Variants in SHANK2 observed in about 807,000 individuals in gnomAD.
SHANK2 encodes the protein SH3 and multiple ankyrin repeat domains protein 2.
In SHANK2, 43 loss-of-function variants were observed where a neutral mutation model predicts 133.7. The observed-to-expected ratio is 0.32, with a 90% confidence interval of 0.25 to 0.41. The LOEUF is 0.41. Among genes scored for constraint, SHANK2 ranks in the 10% least tolerant of loss-of-function variants. The pLI is 1.00. For missense variants in SHANK2, 1,994 were observed against 2,235.8 expected (o/e 0.89, Z 2.18); for synonymous variants, 1,017 against 952.8 (o/e 1.07, Z -1.24).
At chr11:71,155,515 C>A (rs1555108963) in intron 2 of SHANK2, among the ~76,000 whole-genome samples, 4 of 152,108 alleles carry the variant, frequency 2.6e-5, no homozygotes, top group Non-Finnish European at 5.9e-5. Flanking sequence ...ATGCCCCCAG[C>A]CACACCCTCA....
At chr11:71,176,705 A>G (rs1430912783) in intron 2 of SHANK2, among the ~76,000 whole-genome samples, 1 of 152,202 alleles carries the variant, frequency 6.6e-6, no homozygotes, top group Non-Finnish European at 1.5e-5. Context: ...TAATAAAAGA[A>G]GAGAGTATCA....
intron 21 of SHANK2, among the ~76,000 whole-genome samples, chr11:70,497,394 G>C (rs1591504606): frequency 6.6e-6 from 1 of 152,314 alleles, no homozygotes; most frequent in East Asian, 1.9e-4. Flanking sequence ...AGTGAATCTG[G>C]CCCCTGGCAG....
chr11:70,714,576 G>A (rs1555026848), intron 14 of SHANK2, among the ~76,000 whole-genome samples: 1 of 152,132 alleles, frequency 6.6e-6, no homozygotes, highest in African/African-American at 2.4e-5. Context: ...TAACATTTCT[G>A]CAGTATTGCA....
intron 14 of SHANK2, among the ~76,000 whole-genome samples, chr11:70,782,453 C>T (rs1264933188): frequency 6.6e-6 from 1 of 152,232 alleles, no homozygotes; most frequent in African/African-American, 2.4e-5. Flanking sequence ...GGAAAGCAGG[C>T]TATGGGGTCC....
rs148601424 is a variant in SHANK2, at chr11:70,832,846, C to T, written c.1175-12164G>A. ...GCCTGTACTGCCCCGCCTTGCCCCA[C>T]GAGCAGGTGCAGCCAGGACAGCATC... is the stretch of plus-strand genomic sequence containing the variant. On this transcript the variant is annotated intron_variant, in intron 11 of 25. Transcript: ENST00000601538. Among the ~76,000 whole-genome samples the T allele has an allele frequency of 5.8e-3, 885 of 152,334 alleles. 8 individuals carry two copies. The highest frequency in any genetic ancestry group is 0.019 in the African/African-American group (781 of 41,568).
At chr11:70,542,205 C>T (rs575923802) in intron 17 of SHANK2, among the ~76,000 whole-genome samples, 7 of 152,338 alleles carry the variant, frequency 4.6e-5, no homozygotes, top group African/African-American at 1.4e-4. Flanking sequence ...TATTTGGAAA[C>T]AGCCTCTTTG....
At chr11:70,853,736 A>T (rs553042162) in intron 11 of SHANK2, among the ~76,000 whole-genome samples, 2 of 152,278 alleles carry the variant, frequency 1.3e-5, no homozygotes, top group South Asian at 2.1e-4. Flanking sequence ...TCATTCTCTC[A>T]CAATCTTAGA....
At chr11:70,904,196 G>C (rs782290236) in intron 10 of SHANK2, among the ~76,000 whole-genome samples, 5 of 152,172 alleles carry the variant, frequency 3.3e-5, no homozygotes, top group Admixed American at 1.3e-4. Context: ...ACTGCCACAA[G>C]GTGGGTGCCT....
At chr11:70,925,087 C>T (rs1555081332) in intron 10 of SHANK2, among the ~76,000 whole-genome samples, 1 of 152,068 alleles carries the variant, frequency 6.6e-6, no homozygotes, top group East Asian at 1.9e-4. Flanking sequence ...CCATGGCGGT[C>T]GACACTGCAG....
intron 17 of SHANK2, among the ~76,000 whole-genome samples, chr11:70,612,871 C>T (rs2060680056): frequency 6.6e-6 from 1 of 152,228 alleles, no homozygotes; most frequent in Non-Finnish European, 1.5e-5. Context: ...TTCCCCTCCA[C>T]AGCATGTCTG....
At chr11:70,522,451 C>G (rs905261619) in intron 17 of SHANK2, among the ~76,000 whole-genome samples, 5 of 152,250 alleles carry the variant, frequency 3.3e-5, no homozygotes, top group Non-Finnish European at 5.9e-5. Context: ...CCAGGGCAGC[C>G]ACACTTCTGC....
chr11:71,172,863 C>G (rs916117767), intron 2 of SHANK2, among the ~76,000 whole-genome samples: 2 of 152,254 alleles, frequency 1.3e-5, no homozygotes, highest in African/African-American at 4.8e-5. Context: ...GGCAGGTACA[C>G]ACACAGTGAC....
chr11:70,789,630 G>T (rs60029605), intron 14 of SHANK2, among the ~76,000 whole-genome samples: 212 of 152,284 alleles, frequency 1.4e-3, no homozygotes, highest in African/African-American at 4.8e-3. Context: ...TGGTGCATAC[G>T]GCACAGGACA....
At chr11:70,582,986 G>T (rs902762695) in intron 17 of SHANK2, among the ~76,000 whole-genome samples, 2 of 152,208 alleles carry the variant, frequency 1.3e-5, no homozygotes, top group Admixed American at 1.3e-4. Context: ...CTTGCAGCAG[G>T]CTCGTGGGGC....
intron 11 of SHANK2, among the ~76,000 whole-genome samples, chr11:70,853,554 C>T (rs1482050753): frequency 1.3e-5 from 2 of 152,192 alleles, no homozygotes; most frequent in African/African-American, 4.8e-5. Flanking sequence ...AATGTCTCCT[C>T]CCAACAGCTC....
chr11:70,715,833 G>A (rs1945904893), intron 14 of SHANK2, among the ~76,000 whole-genome samples: 1 of 152,190 alleles, frequency 6.6e-6, no homozygotes, highest in African/African-American at 2.4e-5. Context: ...CATGCCCCTG[G>A]ACCCGGCAGC....
At chr11:70,536,540 C>T (rs907231377) in intron 17 of SHANK2, among the ~76,000 whole-genome samples, 5 of 152,154 alleles carry the variant, frequency 3.3e-5, no homozygotes, top group African/African-American at 1.2e-4. Context: ...GTGTCTGCAC[C>T]CACATGGCTG....
intron 2 of SHANK2, among the ~76,000 whole-genome samples, chr11:71,193,157 G>A (rs903963168): frequency 1.3e-5 from 2 of 152,128 alleles, no homozygotes; most frequent in South Asian, 2.1e-4. Context: ...ATTCCTCCCC[G>A]AAATCATACT....
At chr11:70,636,390 TGA>T (rs5792526) in intron 17 of SHANK2, among the ~76,000 whole-genome samples, 63,512 of 151,732 alleles carry the variant, frequency 0.42, 13,650 homozygotes, top group Middle Eastern at 0.48. Context: ...TCTGTGTGTA[TGA>T]GTGTGTATGC....
Sources: gnomAD v4.1 joint callset for allele counts (sites outside exome capture counted in the v4.1 genomes callset) on GRCh38, gnomAD v4.1.1 for gene constraint, MANE v1.5 for transcripts, NCBI Gene and HGNC (gene_info 2026-07-23, HGNC 2026-07-21) for gene names.